Variants in FRMD5 observed in about 807,000 individuals in gnomAD.
The protein encoded by FRMD5 is FERM domain containing 5.
A neutral mutation model predicts 69.0 loss-of-function variants in FRMD5; 20 were observed. That is an observed-to-expected ratio of 0.29 (90% CI 0.20 to 0.42). FRMD5 has a LOEUF of 0.42. Ranked by LOEUF, FRMD5 falls within the 10% of genes least tolerant of loss-of-function variation. FRMD5 has a pLI of 1.00. For missense variants in FRMD5, 595 were observed against 708.6 expected, an observed-to-expected ratio of 0.84 and a Z score of 1.82; for synonymous variants, 271 against 260.1, an observed-to-expected ratio of 1.04 and a Z score of -0.40.
intron 1 of FRMD5, among the ~76,000 whole-genome samples, chr15:44,178,169 C>CA (rs1250400066): frequency 6.6e-6 from 1 of 151,542 alleles, no homozygotes; most frequent in Non-Finnish European, 1.5e-5. Flanking sequence ...TAAAAACACA[C>CA]AAAAATTTGC....
chr15:44,148,059 C>T (rs1162169638), intron 1 of FRMD5, among the ~76,000 whole-genome samples: 1 of 152,144 alleles, frequency 6.6e-6, no homozygotes, highest in African/African-American at 2.4e-5. Context: ...TTCTTTAATC[C>T]AGCATTTCTT....
chr15:43,953,417 G>T (rs148859669), intron 1 of FRMD5, among the ~76,000 whole-genome samples: 6 of 152,146 alleles, frequency 3.9e-5, no homozygotes, highest in Admixed American at 3.9e-4. Flanking sequence ...GCAGAATTAG[G>T]AAGCAAGCAT....
chr15:43,912,516 C>T (rs2089307306), intron 4 of FRMD5, among the ~76,000 whole-genome samples: 1 of 151,990 alleles, frequency 6.6e-6, no homozygotes, highest in Non-Finnish European at 1.5e-5. Context: ...TGATCACTCC[C>T]TGGGCCTGGA....
At chr15:43,935,462 G>A (rs546001167) in intron 1 of FRMD5, among the ~76,000 whole-genome samples, 2 of 152,322 alleles carry the variant, frequency 1.3e-5, no homozygotes, top group South Asian at 4.1e-4. Flanking sequence ...TCCAGCCCGG[G>A]CGGCAAGAGT....
chr15:44,127,372 G>A (rs1215138002), intron 1 of FRMD5, among the ~76,000 whole-genome samples: 3 of 152,174 alleles, frequency 2.0e-5, no homozygotes, highest in East Asian at 3.9e-4. Context: ...GATTACAGGC[G>A]TAAGCCACCA....
At chr15:44,030,207 C>A (rs1863600) in intron 1 of FRMD5, among the ~76,000 whole-genome samples, 124,719 of 151,640 alleles carry the variant, frequency 0.82, 54,080 homozygotes, top group Non-Finnish European at 0.95. Context: ...TTTTTTTTTA[C>A]AAAATTAATT....
chr15:43,921,717 A>T (rs901759471), intron 2 of FRMD5, among the ~76,000 whole-genome samples: 1 of 152,234 alleles, frequency 6.6e-6, no homozygotes, highest in Non-Finnish European at 1.5e-5. Context: ...TTCCTCCCCT[A>T]TCTGAGTGAA....
intron 1 of FRMD5, among the ~76,000 whole-genome samples, chr15:44,042,699 G>A (rs1892254774): frequency 6.6e-6 from 1 of 152,192 alleles, no homozygotes. Flanking sequence ...CTCAATAGAT[G>A]CAGAAAAGGC....
At chr15:44,185,847 G>A (rs773523578) in intron 1 of FRMD5, among the ~76,000 whole-genome samples, 23 of 151,796 alleles carry the variant, frequency 1.5e-4, no homozygotes, top group Admixed American at 3.9e-4. Flanking sequence ...CAGGCTAGAT[G>A]CTTTCTCCAT....
At chr15:44,091,460 A>G (rs1463864123) in intron 1 of FRMD5, among the ~76,000 whole-genome samples, 1 of 152,172 alleles carries the variant, frequency 6.6e-6, no homozygotes, top group Admixed American at 6.6e-5. Context: ...CCTTATCACC[A>G]GTGCTTAGTG....
intron 1 of FRMD5, among the ~76,000 whole-genome samples, chr15:43,957,318 C>T (rs1478546125): frequency 6.6e-6 from 1 of 152,136 alleles, no homozygotes; most frequent in Non-Finnish European, 1.5e-5. Flanking sequence ...GCCTTAGCCT[C>T]CCAAGTAACT....
intron 1 of FRMD5, among the ~76,000 whole-genome samples, chr15:44,043,669 C>T (rs896740590): frequency 7.2e-5 from 11 of 152,122 alleles, no homozygotes; most frequent in African/African-American, 2.4e-4. Context: ...AAACAAGCAA[C>T]AGGGAAAAGA....
chr15:43,949,532 T>G (rs1037785376), intron 1 of FRMD5, among the ~76,000 whole-genome samples: 2 of 152,162 alleles, frequency 1.3e-5, no homozygotes, highest in Non-Finnish European at 2.9e-5. Flanking sequence ...AAACAAATGG[T>G]CCTAGAAGCC....
At chr15:43,975,144 T>C (rs1274085896) in intron 1 of FRMD5, among the ~76,000 whole-genome samples, 2 of 152,208 alleles carry the variant, frequency 1.3e-5, no homozygotes, top group African/African-American at 4.8e-5. Context: ...CATTGACAAG[T>C]GAGGTGACCT....
rs1423950563 is a variant in FRMD5 at position 44,162,882 on chromosome 15, A to C, written c.102+32071T>G. 3.3e-5 allele frequency among the ~76,000 whole-genome samples: 5 copies of C among 149,844 alleles called. No homozygotes were observed. In the East Asian group the frequency reaches 7.8e-4, roughly 23 times the overall value. On this transcript the variant is annotated intron_variant, in intron 1 of 13. Coordinates refer to ENST00000417257, the MANE Select transcript of FRMD5 (RefSeq NM_032892.5). ...AACTCCGTCTCAAAAAAAAAAAAAA[A>C]AAAAAAACAAGGCTGGGCGCGGTGG... is the stretch of plus-strand genomic sequence containing the variant.
chr15:44,132,693 T>A (rs562360312), intron 1 of FRMD5, among the ~76,000 whole-genome samples: 1 of 152,126 alleles, frequency 6.6e-6, no homozygotes, highest in African/African-American at 2.4e-5. Context: ...CCTCCCAAAG[T>A]GCTGGACTTA....
At chr15:44,099,775 G>A (rs945249760) in intron 1 of FRMD5, among the ~76,000 whole-genome samples, 1 of 152,122 alleles carries the variant, frequency 6.6e-6, no homozygotes, top group Non-Finnish European at 1.5e-5. Flanking sequence ...TTGCTATGGA[G>A]GCAGCCACAA....
intron 1 of FRMD5, among the ~76,000 whole-genome samples, chr15:44,155,689 G>C (rs2077515958): frequency 6.6e-6 from 1 of 151,688 alleles, no homozygotes; most frequent in Non-Finnish European, 1.5e-5. Context: ...CACCTCCCAG[G>C]TTCAAGCGAT....
intron 1 of FRMD5, among the ~76,000 whole-genome samples, chr15:44,044,320 G>C (rs1253232532): frequency 6.6e-6 from 1 of 152,210 alleles, no homozygotes; most frequent in Non-Finnish European, 1.5e-5. Context: ...TACACTGTTG[G>C]TGGGACTGTA....
Sources: gnomAD v4.1 joint callset for allele counts (sites outside exome capture counted in the v4.1 genomes callset) on GRCh38, gnomAD v4.1.1 for gene constraint, MANE v1.5 for transcripts, NCBI Gene and HGNC (gene_info 2026-07-23, HGNC 2026-07-21) for gene names.